Variants in DCC observed in about 807,000 individuals in gnomAD.
DCC encodes the protein netrin receptor DCC.
A neutral mutation model predicts 172.5 loss-of-function variants in DCC; 58 were observed. That is an observed-to-expected ratio of 0.34 (90% confidence interval 0.27 to 0.42). The LOEUF (loss-of-function observed/expected upper bound fraction) is 0.42, where lower values mean the gene tolerates loss of function less well. DCC is among the 10% of genes least tolerant of loss of function. The pLI, the probability that DCC is intolerant of heterozygous loss-of-function variation, is 1.00. For synonymous variants in DCC, 709 were observed against 644.5 expected (o/e 1.10, Z -1.52); for missense variants, 1,740 against 1,791.0 (o/e 0.97, Z 0.51).
intron 5 of DCC, among the ~76,000 whole-genome samples, chr18:53,006,447 C>CA (rs2041646954): frequency 6.6e-6 from 1 of 151,940 alleles, no homozygotes; most frequent in Non-Finnish European, 1.5e-5. Context: ...AAAATGATGG[C>CA]AAAAATAGAA....
At chr18:53,471,362 C>G (rs1361738303) in intron 25 of DCC, among the ~76,000 whole-genome samples, 1 of 152,184 alleles carries the variant, frequency 6.6e-6, no homozygotes, top group African/African-American at 2.4e-5. Context: ...TTATTGACTA[C>G]AGTCACCCTG....
intron 2 of DCC, among the ~76,000 whole-genome samples, chr18:52,850,111 A>T (rs1423502152): frequency 6.6e-6 from 1 of 152,156 alleles, no homozygotes; most frequent in Non-Finnish European, 1.5e-5. Context: ...GAGGCTGTTA[A>T]GCTACAGATT....
At chr18:52,645,443 T>C (rs1042973826) in intron 1 of DCC, among the ~76,000 whole-genome samples, 1 of 152,216 alleles carries the variant, frequency 6.6e-6, no homozygotes, top group Non-Finnish European at 1.5e-5. Flanking sequence ...TAAAATCTTT[T>C]AGTTATCTCT....
At chr18:52,602,848 G>T (rs1398960694) in intron 1 of DCC, among the ~76,000 whole-genome samples, 2 of 151,984 alleles carry the variant, frequency 1.3e-5, no homozygotes, top group South Asian at 2.1e-4. Context: ...GTTTAAAATT[G>T]CTTTGCACAA....
chr18:53,434,141 T>A (rs1273351120), intron 21 of DCC, among the ~76,000 whole-genome samples: 1 of 152,064 alleles, frequency 6.6e-6, no homozygotes, highest in Non-Finnish European at 1.5e-5. Context: ...AAAACTGAAA[T>A]CTCTAAATGT....
At chr18:52,931,963 G>T (rs1180973682) in intron 5 of DCC, 1 of 151,970 alleles carries the variant, frequency 6.6e-6, no homozygotes, top group East Asian at 1.9e-4. Flanking sequence ...AAGAAAAAAC[G>T]AAAATGTTAT....
At chr18:52,609,075 T>C (rs1242643064) in intron 1 of DCC, among the ~76,000 whole-genome samples, 1 of 152,218 alleles carries the variant, frequency 6.6e-6, no homozygotes, top group Non-Finnish European at 1.5e-5. Context: ...GATTGAGACA[T>C]ATTACTTGTA....
intron 7 of DCC, among the ~76,000 whole-genome samples, chr18:53,070,734 AAAAG>A (rs2042640702): frequency 6.6e-6 from 1 of 152,210 alleles, no homozygotes; most frequent in Admixed American, 6.5e-5. Flanking sequence ...CATTGGATTC[AAAAG>A]AAAGTAAAAG....
intron 5 of DCC, among the ~76,000 whole-genome samples, chr18:53,001,116 T>G (rs374228777): frequency 3.3e-5 from 5 of 152,028 alleles, no homozygotes; most frequent in African/African-American, 1.2e-4. Flanking sequence ...AGCAAGATAG[T>G]TGGTAGTATT....
At chr18:52,714,341 C>T (rs1475030156) in intron 1 of DCC, among the ~76,000 whole-genome samples, 1 of 152,172 alleles carries the variant, frequency 6.6e-6, no homozygotes, top group African/African-American at 2.4e-5. Context: ...TTTCGATGAA[C>T]ATTGTGTTAA....
intron 12 of DCC, among the ~76,000 whole-genome samples, chr18:53,251,523 A>C (rs2056434351): frequency 6.6e-6 from 1 of 151,996 alleles, no homozygotes; most frequent in East Asian, 1.9e-4. Context: ...TCATACCTGT[A>C]ACTCAAACCT....
chr18:53,283,469 A>G (rs1198981052), intron 12 of DCC, among the ~76,000 whole-genome samples: 10 of 152,154 alleles, frequency 6.6e-5, no homozygotes, highest in Admixed American at 6.6e-4. Context: ...GATTTGATGT[A>G]TATTATTTTA....
intron 7 of DCC, among the ~76,000 whole-genome samples, chr18:53,069,850 G>A (rs2042628742): frequency 6.6e-6 from 1 of 152,130 alleles, no homozygotes; most frequent in Non-Finnish European, 1.5e-5. Flanking sequence ...TTGAGAGATG[G>A]AAAGAAATTT....
intron 7 of DCC, among the ~76,000 whole-genome samples, chr18:53,092,852 T>C (rs1332868457): frequency 6.6e-6 from 1 of 152,010 alleles, no homozygotes; most frequent in African/African-American, 2.4e-5. Flanking sequence ...GTTAAGGAAA[T>C]GAATTTCTAT....
At chr18:52,873,280 C>T (rs181393612) in intron 2 of DCC, among the ~76,000 whole-genome samples, 50 of 152,192 alleles carry the variant, frequency 3.3e-4, no homozygotes, top group African/African-American at 1.1e-3. Context: ...GTACAGAGGT[C>T]GGGACAGAAG....
At chr18:53,029,083 C>T (rs2041994325) in intron 5 of DCC, among the ~76,000 whole-genome samples, 1 of 148,074 alleles carries the variant, frequency 6.8e-6, no homozygotes, top group Non-Finnish European at 1.5e-5. Context: ...ATAATTAATT[C>T]ACAAAGAAGT....
At chr18:52,941,559 C>T (rs1227686369) in intron 5 of DCC, among the ~76,000 whole-genome samples, 2 of 151,760 alleles carry the variant, frequency 1.3e-5, no homozygotes, top group African/African-American at 4.8e-5. Flanking sequence ...CATATACACA[C>T]ACTATATATG....
chr18:53,096,369 A>C (rs1228204339), intron 7 of DCC, among the ~76,000 whole-genome samples: 3 of 152,080 alleles, frequency 2.0e-5, no homozygotes, highest in Admixed American at 6.6e-5. Flanking sequence ...GAAAATTAAC[A>C]AGAGCTTGTA....
intron 5 of DCC, among the ~76,000 whole-genome samples, chr18:52,960,708 T>C (rs2040829402): frequency 6.6e-6 from 1 of 152,158 alleles, no homozygotes; most frequent in African/African-American, 2.4e-5. Context: ...AACTGAGCTT[T>C]GTAATTTGGC....
Sources: gnomAD v4.1 joint callset for allele counts (sites outside exome capture counted in the v4.1 genomes callset) on GRCh38, gnomAD v4.1.1 for gene constraint, MANE v1.5 for transcripts, NCBI Gene and HGNC (gene_info 2026-07-23, HGNC 2026-07-21) for gene names.